Variants in NDST4 observed in about 807,000 individuals in gnomAD.
NDST4 encodes the protein N-heparan sulfate sulfotransferase 4.
In NDST4, 63 loss-of-function variants were observed where a neutral mutation model predicts 100.8. The observed-to-expected ratio is 0.62, with a 90% CI of 0.51 to 0.77. The LOEUF (loss-of-function observed/expected upper bound fraction) is 0.77. NDST4 is among the 30% of genes least tolerant of loss of function. NDST4 has a pLI of 0.00. For missense variants in NDST4, 943 were observed against 1,018.4 expected (o/e 0.93, Z 1.01); for synonymous variants, 377 against 361.8 (o/e 1.04, Z -0.48).
chr4:115,056,804 C>G (rs1466388148), intron 2 of NDST4, among the ~76,000 whole-genome samples: 2 of 152,106 alleles, frequency 1.3e-5, no homozygotes, highest in African/African-American at 2.4e-5. Flanking sequence ...TTTCCAAAGA[C>G]CAATTGATGT....
chr4:114,915,796 A>G (rs1403393089), intron 6 of NDST4, among the ~76,000 whole-genome samples: 1 of 152,036 alleles, frequency 6.6e-6, no homozygotes, highest in South Asian at 2.1e-4. Flanking sequence ...AATGAGCTGA[A>G]GTTGCTTATT....
chr4:114,869,710 C>T (rs1724107001), intron 7 of NDST4, among the ~76,000 whole-genome samples: 1 of 152,088 alleles, frequency 6.6e-6, no homozygotes, highest in Non-Finnish European at 1.5e-5. Flanking sequence ...ATGTAGCAGT[C>T]AGTTTTAAAA....
At chr4:115,070,051 C>T (rs1420994650) in intron 2 of NDST4, among the ~76,000 whole-genome samples, 1 of 152,128 alleles carries the variant, frequency 6.6e-6, no homozygotes, top group Non-Finnish European at 1.5e-5. Flanking sequence ...TACCATTCGA[C>T]CCAGCAATCC....
chr4:115,040,287 A>G (rs998475797), intron 2 of NDST4, among the ~76,000 whole-genome samples: 2 of 149,842 alleles, frequency 1.3e-5, no homozygotes, highest in Admixed American at 6.8e-5. Flanking sequence ...ATAACACAGT[A>G]AGGTACTATT....
chr4:114,917,154 T>A (rs1007477122), intron 6 of NDST4, among the ~76,000 whole-genome samples: 2 of 152,176 alleles, frequency 1.3e-5, no homozygotes, highest in African/African-American at 2.4e-5. Flanking sequence ...TTACTTATAA[T>A]ACCTAATAAA....
intron 1 of NDST4, among the ~76,000 whole-genome samples, chr4:115,087,298 T>C (rs997671756): frequency 2.6e-5 from 4 of 152,052 alleles, no homozygotes; most frequent in African/African-American, 9.7e-5. Context: ...GCTCCTATTT[T>C]TCTCTTTTAT....
chr4:115,068,617 G>A (rs1050532522), intron 2 of NDST4, among the ~76,000 whole-genome samples: 14 of 147,826 alleles, frequency 9.5e-5, no homozygotes, highest in African/African-American at 3.5e-4. Context: ...GACCATCCTG[G>A]CTAACACGGT....
intron 6 of NDST4, among the ~76,000 whole-genome samples, chr4:114,918,045 C>T (rs1725211077): frequency 6.6e-6 from 1 of 152,108 alleles, no homozygotes; most frequent in South Asian, 2.1e-4. Context: ...ATTTTGCTCT[C>T]ATAGTCCAGT....
chr4:115,082,462 A>G (rs1344577401), intron 1 of NDST4, among the ~76,000 whole-genome samples: 1 of 152,170 alleles, frequency 6.6e-6, no homozygotes, highest in Admixed American at 6.6e-5. Flanking sequence ...AGGCTGAAAT[A>G]CAGAAGAAAG....
chr4:115,071,619 A>G (rs1729079821), intron 2 of NDST4, among the ~76,000 whole-genome samples: 1 of 151,988 alleles, frequency 6.6e-6, no homozygotes, highest in East Asian at 1.9e-4. Flanking sequence ...CTTTTATACT[A>G]TTTCAGAGTA....
intron 9 of NDST4, among the ~76,000 whole-genome samples, chr4:114,847,073 A>C (rs1264103214): frequency 1.3e-5 from 2 of 151,962 alleles, no homozygotes; most frequent in African/African-American, 4.8e-5. Flanking sequence ...TCCTAGCTGT[A>C]CCTTAAAAAA....
intron 2 of NDST4, among the ~76,000 whole-genome samples, chr4:115,071,288 AC>A (rs1729073127): frequency 6.8e-6 from 1 of 147,044 alleles, no homozygotes; most frequent in African/African-American, 2.6e-5. Flanking sequence ...ACACACACAC[AC>A]ACACACACAC....
At chr4:114,875,571 T>C (rs1724238612) in intron 6 of NDST4, among the ~76,000 whole-genome samples, 1 of 152,182 alleles carries the variant, frequency 6.6e-6, no homozygotes, top group South Asian at 2.1e-4. Context: ...TCCTTAACTG[T>C]GGGTAAACAC....
chr4:114,944,624 T>C (rs1405598569), intron 4 of NDST4, among the ~76,000 whole-genome samples: 1 of 152,208 alleles, frequency 6.6e-6, no homozygotes, highest in Non-Finnish European at 1.5e-5. Flanking sequence ...ATTAACACTA[T>C]GGTGAAACCA....
intron 2 of NDST4, among the ~76,000 whole-genome samples, chr4:115,069,026 G>T (rs1578497553): frequency 6.6e-6 from 1 of 151,946 alleles, no homozygotes; most frequent in Non-Finnish European, 1.5e-5. Flanking sequence ...TATACATAAA[G>T]ATGCTAACTG....
Position 115,076,249 on chromosome 4 carries a change from T to A in NDST4, c.788A>T (p.His263Leu), listed in dbSNP as rs201802563. Residue 263 changes from histidine to leucine, a missense_variant, in exon 2 of 14, where the codon CAT becomes CTT. Around this residue, in one of 2 missense-constraint regions of NDST4, gnomAD observed 417 missense variants for 384.2 expected, o/e 1.09. Transcript: ENST00000264363. ...FATVIQDLGL[H>L]DGIQRVLFGN... ...AAAAAGTACTCTCTGAATTCCATCA[T>A]GAAGCCCCAGATCCTGAATCACCGT... 3 of 1,613,882 alleles carry A rather than the reference T, an allele frequency of 1.9e-6. No individual in the cohort carries two copies. Among genetic ancestry groups the A allele is most frequent in the Non-Finnish European group, 2.5e-6 (3 of 1,179,942 alleles).
At chr4:115,024,338 G>A (rs1356055546) in intron 2 of NDST4, among the ~76,000 whole-genome samples, 1 of 152,158 alleles carries the variant, frequency 6.6e-6, no homozygotes, top group African/African-American at 2.4e-5. Context: ...GAAAGCTGCT[G>A]TGTGGACTGA....
At chr4:115,055,951 C>T (rs765943968) in intron 2 of NDST4, among the ~76,000 whole-genome samples, 3 of 152,050 alleles carry the variant, frequency 2.0e-5, no homozygotes, top group Non-Finnish European at 2.9e-5. Flanking sequence ...TAAATTATCA[C>T]TGTGTGTCAT....
intron 7 of NDST4, among the ~76,000 whole-genome samples, chr4:114,859,545 G>A (rs1272647172): frequency 6.6e-6 from 1 of 152,114 alleles, no homozygotes; most frequent in Non-Finnish European, 1.5e-5. Flanking sequence ...CCTCTTTTCA[G>A]ACTAGAGCAA....
Sources: allele counts gnomAD v4.1 joint callset (sites outside exome capture counted in the v4.1 genomes callset), GRCh38; gene constraint gnomAD v4.1.1; regional missense constraint gnomAD v4.1.1; transcripts MANE v1.5; gene names NCBI Gene and HGNC (gene_info 2026-07-23, HGNC 2026-07-21).